The following MTCL2 variants were observed in gnomAD, a reference collection of about 807,000 sequenced individuals.
The protein encoded by MTCL2 is microtubule crosslinking factor 2.
chr20:36,816,230 C>T, the MTCL2 span: 2 of 1,612,890 alleles, frequency 1.2e-6, no homozygotes, highest in Non-Finnish European at 1.7e-6. Flanking sequence ...CCTTGGCAAG[C>T]TTAGTGAGCT....
chr20:36,824,282 A>C, the MTCL2 span, among the ~76,000 whole-genome samples: 5 of 152,212 alleles, frequency 3.3e-5, no homozygotes, highest in Admixed American at 3.3e-4. Flanking sequence ...AACCCAGATA[A>C]ATGGACAAAT....
chr20:36,835,081 A>AT, the MTCL2 span, among the ~76,000 whole-genome samples: 1 of 152,152 alleles, frequency 6.6e-6, no homozygotes, highest in South Asian at 2.1e-4. Flanking sequence ...GAATTATTTC[A>AT]TTTTATCCTC....
chr20:36,803,017 G>C, the MTCL2 span: 1 of 1,601,298 alleles, frequency 6.2e-7, no homozygotes, highest in Non-Finnish European at 8.5e-7. Context: ...TCAGCTAGGA[G>C]GTGCTGCTGC....
the MTCL2 span, chr20:36,808,824 G>C: frequency 1.5e-6 from 2 of 1,318,434 alleles, no homozygotes; most frequent in Non-Finnish European, 2.1e-6. Flanking sequence ...ACAGGGGCAG[G>C]GAGGAAAGTC....
At chr20:36,804,881 G>A in the MTCL2 span, 1 of 1,613,546 alleles carries the variant, frequency 6.2e-7, no homozygotes, top group South Asian at 1.1e-5. Context: ...ATGTCGGCCA[G>A]TGTCTTGATG....
chr20:36,805,844 G>C, the MTCL2 span: 2 of 1,601,652 alleles, frequency 1.2e-6, no homozygotes, highest in Non-Finnish European at 1.7e-6. Flanking sequence ...GAAGGGGCTG[G>C]AAACACACCG....
At chr20:36,813,773 A>C in the MTCL2 span, among the ~76,000 whole-genome samples, 2 of 150,346 alleles carry the variant, frequency 1.3e-5, no homozygotes, top group African/African-American at 2.4e-5. Context: ...AAAAAAAAAA[A>C]AAAGATAAAA....
chr20:36,794,254 G>GATA, the MTCL2 span: 1 of 1,550,334 alleles, frequency 6.5e-7, no homozygotes, highest in African/African-American at 1.4e-5. This position sits in a 1 kb window ranked among gnomAD's most constrained non-coding sequence, Gnocchi z 5.4. Context: ...AGCCGGGCTC[G>GATA]ATAATGATCT....
chr20:36,862,365 C>CA, the MTCL2 span, among the ~76,000 whole-genome samples: 26 of 152,360 alleles, frequency 1.7e-4, 1 homozygote, highest in African/African-American at 6.3e-4. Flanking sequence ...TACCCACCCC[C>CA]ACCTCAGCAA....
At chr20:36,838,216 A>G in the MTCL2 span, among the ~76,000 whole-genome samples, 1 of 152,106 alleles carries the variant, frequency 6.6e-6, no homozygotes, top group Non-Finnish European at 1.5e-5. Flanking sequence ...ACACCTGGCT[A>G]ATTTTTTGTG....
chr20:36,789,868 G>A, the MTCL2 span, among the ~76,000 whole-genome samples: 2 of 152,022 alleles, frequency 1.3e-5, no homozygotes, highest in Non-Finnish European at 2.9e-5. Flanking sequence ...TGTTGCTCAG[G>A]CTGGAGTGCA....
At chr20:36,848,555 TC>T in the MTCL2 span, among the ~76,000 whole-genome samples, 63 of 152,034 alleles carry the variant, frequency 4.1e-4, no homozygotes, top group African/African-American at 1.5e-3. Context: ...AACCCCCCAC[TC>T]CCAGTAAGGA....
the MTCL2 span, chr20:36,804,950 G>C: frequency 1.3e-6 from 2 of 1,589,324 alleles, no homozygotes; most frequent in Non-Finnish European, 1.7e-6. Flanking sequence ...GTGGGGTAGG[G>C]AGGGGAACCT....
the MTCL2 span, among the ~76,000 whole-genome samples, chr20:36,858,311 A>AAC: frequency 0.27 from 8,502 of 31,832 alleles, 3,405 homozygotes; most frequent in Non-Finnish European, 0.34. Context: ...AAGGAGGGAA[A>AAC]ACACACACAC....
chr20:36,841,874 G>GGGGGTGTGTGTGTGTGTGTGT, the MTCL2 span, among the ~76,000 whole-genome samples: 2 of 110,768 alleles, frequency 1.8e-5, no homozygotes, highest in African/African-American at 6.5e-5. Flanking sequence ...TGGGGGGTGG[G>GGGGGTGTGTGTGTGTGTGTGT]GTGTGTGTGT....
At chr20:36,862,944 A>G in the MTCL2 span, 1 of 1,383,730 alleles carries the variant, frequency 7.2e-7, no homozygotes, top group South Asian at 1.4e-5. Flanking sequence ...CTCCAGGCCC[A>G]GCAGGCGCGC....
chr20:36,788,953 T>G, the MTCL2 span, among the ~76,000 whole-genome samples: 1 of 151,976 alleles, frequency 6.6e-6, no homozygotes, highest in African/African-American at 2.4e-5. Context: ...ATTACAGGCA[T>G]GTGCCACCAC....
chr20:36,829,572 C>G, the MTCL2 span, among the ~76,000 whole-genome samples: 2 of 138,720 alleles, frequency 1.4e-5, no homozygotes, highest in Non-Finnish European at 3.0e-5. Context: ...GGCTGGAGTG[C>G]AGTGGTGCAA....
the MTCL2 span, chr20:36,817,299 G>T: frequency 3.2e-6 from 3 of 940,056 alleles, no homozygotes; most frequent in Non-Finnish European, 4.7e-6. Flanking sequence ...AGAAAAAAAG[G>T]AAAATGAGCA....
Sources: gnomAD v4.1 joint callset for allele counts (sites outside exome capture counted in the v4.1 genomes callset) on GRCh38, gnomAD v4.1.1 for gene constraint, Gnocchi (gnomAD v3.1) non-coding constraint, MANE v1.5 for transcripts, NCBI Gene and HGNC (gene_info 2026-07-23, HGNC 2026-07-21) for gene names.